CDH13: variants seen among roughly 807,000 people sequenced by gnomAD.
CDH13 encodes cadherin-13.
Under a neutral mutation model 63.8 loss-of-function variants are expected in CDH13, and 24 were observed. That is an observed-to-expected ratio of 0.38 (90% CI 0.27 to 0.53). The LOEUF (loss-of-function observed/expected upper bound fraction) is 0.53. CDH13 is among the 20% of genes least tolerant of loss of function. The pLI is 0.85. For missense variants in CDH13, 1,049 were observed against 903.1 expected (o/e 1.16, Z -2.07); for synonymous variants, 503 against 355.3 (o/e 1.42, Z -4.67).
rs866412183 is a variant in CDH13, at chr16:83,436,820, G to T, written c.782-49657G>T. On this transcript the variant is annotated intron_variant, in intron 6 of 13. Transcript: ENST00000567109. Reference sequence around the variant, plus strand: ...AATGTATGATTTAGACCACAGCTCAGTTGTGACATTTAATCCATAGAGATA... The same window carrying T: ...AATGTATGATTTAGACCACAGCTCATTTGTGACATTTAATCCATAGAGATA... 2.6e-5 allele frequency among the ~76,000 whole-genome samples: 4 copies of T among 152,330 alleles called. No homozygotes were observed. In the Middle Eastern group the frequency reaches 0.014, roughly 518 times the overall value.
At chr16:83,034,351 G>C (rs1193160005) in intron 3 of CDH13, among the ~76,000 whole-genome samples, 1 of 152,130 alleles carries the variant, frequency 6.6e-6, no homozygotes, top group African/African-American at 2.4e-5. Flanking sequence ...GAAGCTGTGA[G>C]TTAAGGATAG....
intron 6 of CDH13, among the ~76,000 whole-genome samples, chr16:83,379,040 ATATGCT>A (rs1465223653): frequency 6.6e-6 from 1 of 151,896 alleles, no homozygotes; most frequent in Non-Finnish European, 1.5e-5. Flanking sequence ...TGTGTATAAC[ATATGCT>A]TATCCTTGAT....
intron 1 of CDH13, among the ~76,000 whole-genome samples, chr16:82,762,721 C>T (rs2034900258): frequency 6.6e-6 from 1 of 152,140 alleles, no homozygotes; most frequent in South Asian, 2.1e-4. Context: ...TTGAGCAAAA[C>T]TTGGGTGCCA....
chr16:83,011,758 C>T (rs1305676330), intron 2 of CDH13, among the ~76,000 whole-genome samples: 1 of 152,186 alleles, frequency 6.6e-6, no homozygotes, highest in Non-Finnish European at 1.5e-5. Flanking sequence ...CAATGCTCTT[C>T]AGCAATCGCT....
At chr16:83,470,874 A>G (rs914774871) in intron 6 of CDH13, among the ~76,000 whole-genome samples, 2 of 152,162 alleles carry the variant, frequency 1.3e-5, no homozygotes, top group African/African-American at 2.4e-5. Flanking sequence ...GAAGTCCAAA[A>G]TCGGTCTCAT....
chr16:83,280,127 CA>C (rs1297072036), intron 5 of CDH13, among the ~76,000 whole-genome samples: 1 of 152,158 alleles, frequency 6.6e-6, no homozygotes, highest in Non-Finnish European at 1.5e-5. Context: ...TAACATCAAA[CA>C]AGGATTTCTT....
At chr16:82,792,550 T>G (rs1180844563) in intron 1 of CDH13, among the ~76,000 whole-genome samples, 1 of 152,164 alleles carries the variant, frequency 6.6e-6, no homozygotes, top group Non-Finnish European at 1.5e-5. Flanking sequence ...ACCCCAGGTT[T>G]AGTTGCCCCT....
chr16:83,488,206 G>T (rs147699974), intron 7 of CDH13, among the ~76,000 whole-genome samples: 3 of 152,204 alleles, frequency 2.0e-5, no homozygotes, highest in Non-Finnish European at 2.9e-5. Flanking sequence ...GTACCGGACA[G>T]TGCAGACCTA....
chr16:82,746,191 G>A (rs911355505), intron 1 of CDH13, among the ~76,000 whole-genome samples: 2 of 77,622 alleles, frequency 2.6e-5, no homozygotes, highest in African/African-American at 7.3e-5. Context: ...CATGGTGTGT[G>A]TGTGTTTATA....
chr16:83,649,452 C>T (rs759683753), intron 8 of CDH13, among the ~76,000 whole-genome samples: 1 of 152,128 alleles, frequency 6.6e-6, no homozygotes, highest in South Asian at 2.1e-4. Flanking sequence ...GGTGGTTGGG[C>T]TCAGAGCTGC....
intron 4 of CDH13, among the ~76,000 whole-genome samples, chr16:83,168,720 C>T (rs1286965020): frequency 6.6e-6 from 1 of 152,102 alleles, no homozygotes; most frequent in Non-Finnish European, 1.5e-5. Context: ...TACATATTCA[C>T]ATCTATATCT....
rs1446505963 is a variant in CDH13, at chr16:83,142,153, T to C, written c.483+16652T>C. 3.1e-5 allele frequency among the ~76,000 whole-genome samples: 4 copies of C among 130,422 alleles called. No homozygotes were observed. The Admixed American group carries it at 3.4e-4, about 11-fold the overall frequency. 85.6% of individuals were successfully genotyped at this position (130,422 alleles called of 152,430 possible). On this transcript the variant is annotated intron_variant, in intron 4 of 13. Coordinates refer to ENST00000567109, the MANE Select transcript of CDH13 (RefSeq NM_001257.5). ...TGTGCCTGAACCATTTTTGTTTGTT[T>C]GTTTTTGTTTTTTTTTTTTTTTTTT...
At chr16:83,594,125 G>A (rs956507460) in intron 7 of CDH13, among the ~76,000 whole-genome samples, 3 of 152,182 alleles carry the variant, frequency 2.0e-5, no homozygotes, top group Non-Finnish European at 4.4e-5. Context: ...TTCACTCAGT[G>A]GCTGTTGGCA....
chr16:82,667,775 C>G (rs113717135), intron 1 of CDH13, among the ~76,000 whole-genome samples: 5 of 152,234 alleles, frequency 3.3e-5, no homozygotes, highest in African/African-American at 7.2e-5. Context: ...ACAGCTCACG[C>G]TTGCTTTCTA....
chr16:83,032,873 A>G (rs916260499), intron 3 of CDH13, among the ~76,000 whole-genome samples: 2 of 152,194 alleles, frequency 1.3e-5, no homozygotes, highest in Non-Finnish European at 2.9e-5. Flanking sequence ...AGAGGAAAGG[A>G]AATGGATGGT....
chr16:83,494,419 C>T (rs1157224137), intron 7 of CDH13, among the ~76,000 whole-genome samples: 1 of 152,168 alleles, frequency 6.6e-6, no homozygotes, highest in Non-Finnish European at 1.5e-5. Flanking sequence ...AACCCCAAAT[C>T]CTCTAAATTC....
intron 1 of CDH13, chr16:82,826,120 G>A (rs1014294647): frequency 6.6e-6 from 1 of 152,222 alleles, no homozygotes; most frequent in African/African-American, 2.4e-5. Flanking sequence ...CTCCCAAAGT[G>A]CTGGAATTAC....
At chr16:83,724,428 G>C (rs1463374906) in intron 10 of CDH13, among the ~76,000 whole-genome samples, 1 of 58,350 alleles carries the variant, frequency 1.7e-5, no homozygotes, top group Non-Finnish European at 5.7e-5. Context: ...GGTGAGTGAG[G>C]AATGCATGGG....
chr16:82,749,886 C>G (rs149098716), intron 1 of CDH13, among the ~76,000 whole-genome samples: 19 of 152,124 alleles, frequency 1.2e-4, no homozygotes, highest in Middle Eastern at 3.4e-3. Context: ...GTTATTTTTG[C>G]CAATGACTGA....
Sources: gnomAD v4.1 joint callset for allele counts (sites outside exome capture counted in the v4.1 genomes callset) on GRCh38, gnomAD v4.1.1 for gene constraint, MANE v1.5 for transcripts, NCBI Gene and HGNC (gene_info 2026-07-23, HGNC 2026-07-21) for gene names.